BLTP3B: variants seen among roughly 807,000 people sequenced by gnomAD.
BLTP3B encodes bridge-like lipid transfer protein family member 3B, also known as UHRF1 (ICBP90) binding protein 1-like.
the BLTP3B span, chr12:100,142,698 C>T: frequency 1.5e-4 from 235 of 1,561,616 alleles, no homozygotes; most frequent in Admixed American, 2.4e-4. Flanking sequence ...TCTTCGTGGC[C>T]GTCTCCTCTC....
chr12:100,092,089 C>T, the BLTP3B span, among the ~76,000 whole-genome samples: 1 of 152,220 alleles, frequency 6.6e-6, no homozygotes, highest in African/African-American at 2.4e-5. Flanking sequence ...GATTACACTG[C>T]ACCTGGCCCC....
chr12:100,126,420 G>A, the BLTP3B span, among the ~76,000 whole-genome samples: 2 of 151,446 alleles, frequency 1.3e-5, no homozygotes, highest in Non-Finnish European at 2.9e-5. Context: ...GTGCCCCTAA[G>A]AAGACTGCTC....
At chr12:100,095,753 C>T in the BLTP3B span, 6 of 1,613,604 alleles carry the variant, frequency 3.7e-6, no homozygotes, top group Middle Eastern at 3.3e-4. Context: ...TGTACCATAG[C>T]TTTCAACTGG....
At chr12:100,072,653 TAATTA>T in the BLTP3B span, 3 of 1,472,926 alleles carry the variant, frequency 2.0e-6, no homozygotes, top group Non-Finnish European at 2.7e-6. Flanking sequence ...GGACAAATAA[TAATTA>T]AAAACTCTCT....
chr12:100,102,528 TTTCTG>T, the BLTP3B span, among the ~76,000 whole-genome samples: 1 of 152,158 alleles, frequency 6.6e-6, no homozygotes, highest in Non-Finnish European at 1.5e-5. Context: ...CTGCTTCCAT[TTTCTG>T]TTGCTGCTCT....
the BLTP3B span, among the ~76,000 whole-genome samples, chr12:100,056,715 G>A: frequency 6.6e-6 from 1 of 151,770 alleles, no homozygotes; most frequent in Non-Finnish European, 1.5e-5. Context: ...GTGCATGCCT[G>A]CAATCCCAAC....
the BLTP3B span, among the ~76,000 whole-genome samples, chr12:100,135,397 T>C: frequency 1.3e-5 from 2 of 151,800 alleles, no homozygotes; most frequent in South Asian, 4.2e-4. Context: ...GCCTCTCTAG[T>C]AGCTGAGACT....
At chr12:100,039,534 T>C in the BLTP3B span, 2 of 1,421,372 alleles carry the variant, frequency 1.4e-6, no homozygotes, top group Non-Finnish European at 1.9e-6. Flanking sequence ...TTTTAACTAT[T>C]AGTATCTTAA....
the BLTP3B span, chr12:100,084,488 G>A: frequency 6.2e-7 from 1 of 1,613,238 alleles, no homozygotes; most frequent in South Asian, 1.1e-5. Context: ...GTTTGTGTGT[G>A]CTGGGGAGAG....
the BLTP3B span, chr12:100,086,415 T>C: frequency 8.1e-7 from 1 of 1,229,920 alleles, no homozygotes; most frequent in Non-Finnish European, 1.1e-6. Flanking sequence ...AAAGATTTAA[T>C]TTACCACAGA....
the BLTP3B span, among the ~76,000 whole-genome samples, chr12:100,127,844 T>C: frequency 2.6e-5 from 4 of 151,976 alleles, no homozygotes. Flanking sequence ...TGAGACTTCA[T>C]CTCTATAAAA....
the BLTP3B span, among the ~76,000 whole-genome samples, chr12:100,097,032 A>C: frequency 2.0e-5 from 3 of 152,176 alleles, no homozygotes; most frequent in Non-Finnish European, 2.9e-5. Flanking sequence ...GTGAGCCTTG[A>C]TCATGCCACT....
chr12:100,050,152 A>T, the BLTP3B span: 822 of 1,214,626 alleles, frequency 6.8e-4, 5 homozygotes, highest in Admixed American at 9.4e-4. Flanking sequence ...AAAAATAATT[A>T]AAAAAAAAAA....
chr12:100,102,900 T>C, the BLTP3B span: 1 of 1,143,364 alleles, frequency 8.7e-7, no homozygotes, highest in Middle Eastern at 2.5e-4. Flanking sequence ...TTATTTATTC[T>C]ACGTATATTA....
At chr12:100,080,192 C>CCTGACTCCAGAAGGGTAGATCCA in the BLTP3B span, among the ~76,000 whole-genome samples, 1 of 152,188 alleles carries the variant, frequency 6.6e-6, no homozygotes, top group Non-Finnish European at 1.5e-5. Flanking sequence ...CCACCGTCCT[C>CCTGACTCCAGAAGGGTAGATCCA]CTGACTCCAG....
At chr12:100,118,792 C>T in the BLTP3B span, among the ~76,000 whole-genome samples, 1 of 152,114 alleles carries the variant, frequency 6.6e-6, no homozygotes. Context: ...ATGTAAATTT[C>T]ACTCAATAAA....
the BLTP3B span, chr12:100,060,025 T>A: frequency 6.2e-7 from 1 of 1,601,156 alleles, no homozygotes; most frequent in Admixed American, 1.8e-5. Flanking sequence ...CAGCTGGCTA[T>A]AGAGGTTGGG....
At chr12:100,118,235 A>G in the BLTP3B span, among the ~76,000 whole-genome samples, 1 of 152,096 alleles carries the variant, frequency 6.6e-6, no homozygotes, top group African/African-American at 2.4e-5. Context: ...CTCCAAAAAA[A>G]TAAAATATTA....
chr12:100,050,706 G>A, the BLTP3B span, among the ~76,000 whole-genome samples: 1 of 152,048 alleles, frequency 6.6e-6, no homozygotes, highest in Non-Finnish European at 1.5e-5. Flanking sequence ...CAGCTACTAG[G>A]GAGGCTGGGA....
Sources: gnomAD v4.1 joint callset for allele counts (sites outside exome capture counted in the v4.1 genomes callset) on GRCh38, gnomAD v4.1.1 for gene constraint, MANE v1.5 for transcripts, NCBI Gene and HGNC (gene_info 2026-07-23, HGNC 2026-07-21) for gene names.